Variants in STK11 observed in about 807,000 individuals in gnomAD.
The protein encoded by STK11 is serine/threonine kinase 11.
In STK11, 8 loss-of-function variants were observed where a neutral mutation model predicts 47.3. The ratio of observed to expected loss-of-function variants is 0.17; its 90% CI spans 0.10 to 0.31. The LOEUF is 0.31. Among genes scored for constraint, STK11 ranks in the 10% least tolerant of loss-of-function variants. The pLI is 1.00. For synonymous variants in STK11, 330 were observed against 255.8 expected (o/e 1.29, Z -2.77); for missense variants, 475 against 605.0 (o/e 0.79, Z 2.25).
At chr19:1,208,917 G>A (rs2080689975) in intron 1 of STK11, among the ~76,000 whole-genome samples, 1 of 151,926 alleles carries the variant, frequency 6.6e-6, no homozygotes, top group African/African-American at 2.4e-5. Flanking sequence ...CACCGCGCCC[G>A]GCCAGCACGC....
At chr19:1,211,948 C>T (rs776081064) in intron 1 of STK11, among the ~76,000 whole-genome samples, 14 of 152,242 alleles carry the variant, frequency 9.2e-5, no homozygotes, top group Non-Finnish European at 1.5e-4. Flanking sequence ...GGCCCCTGCG[C>T]CAGCCATGTG....
rs2080839165 is a variant in STK11 at position 1,227,951 on chromosome 19, C to T, written c.*375C>T. 1 of 1,070,404 alleles carries T rather than the reference C, an allele frequency of 9.3e-7. No individual in the cohort carries two copies. 66.3% of individuals were successfully genotyped at this position (1,070,404 alleles called of 1,614,324 possible). ...GTCCGGCGGCCCCGCCGCAGACCAGCTGGCGGGTGTGGAGACCAGGCTCCT... is the reference window on the plus strand; with the variant it reads ...GTCCGGCGGCCCCGCCGCAGACCAGTTGGCGGGTGTGGAGACCAGGCTCCT... On this transcript the variant is annotated 3_prime_UTR_variant, in exon 10 of 10. Coordinates refer to ENST00000326873, the MANE Select transcript of STK11 (RefSeq NM_000455.5).
At chr19:1,225,182 C>T (rs916583761) in intron 8 of STK11, 1 of 985,360 alleles carries the variant, frequency 1.0e-6, no homozygotes, top group African/African-American at 1.7e-5. Context: ...AGCTGGGGCA[C>T]CTTGTCCACA....
At chr19:1,218,581 C>G in intron 2 of STK11, 81 bp downstream of exon 2, 1 of 1,185,078 alleles carries the variant, frequency 8.4e-7, no homozygotes, top group Non-Finnish European at 1.3e-6. Flanking sequence ...AGGCCTGCTC[C>G]TCTTCCCGTC....
At chr19:1,220,861 T>A in intron 5 of STK11, 144 bp downstream of exon 5, 2 of 1,293,120 alleles carry the variant, frequency 1.5e-6, no homozygotes, top group Admixed American at 2.7e-5. Flanking sequence ...GTGCTTACTT[T>A]ATGGAAATGT....
In STK11 at chr19:1,228,184, G is replaced by A; in HGVS notation, c.*608G>A. 1.8e-5 allele frequency: 19 copies of A among 1,046,394 alleles called. No individual in the cohort carries two copies. The highest frequency in any genetic ancestry group is 4.6e-5 in the South Asian group (1 of 21,578). 64.8% of individuals were successfully genotyped at this position (1,046,394 alleles called of 1,614,324 possible). A position where few individuals can be genotyped will look rare whatever the true frequency, so the allele number is the denominator to read the frequency against. ...CGTCGCGGCCGCCTTTGCGCTCTCG[G>A]GTCACCCTGCTTTGGCGGCCCGGCC... On this transcript the variant is annotated 3_prime_UTR_variant, in exon 10 of 10. Transcript: ENST00000326873.
chr19:1,227,143 G>C lies in STK11; in HGVS notation c.*17-450G>C, dbSNP rs1026040754. The C allele has an allele frequency of 4.2e-5, 7 of 166,666 alleles. No homozygotes were observed. In the South Asian group the frequency reaches 1.1e-3, roughly 25 times the overall value. The allele number at this position is 166,666 out of a possible 1,614,324, so 10.3% of individuals were successfully genotyped here. A position where few individuals can be genotyped will look rare whatever the true frequency, so the allele number is the denominator to read the frequency against. On this transcript the variant is annotated intron_variant, in intron 9 of 9. Transcript: ENST00000326873. ...AGTATGGCTGAGGCTGAGTCGTGCC[G>C]GACGCTGCCCTGTCTCTCCCTGTGT...
intron 7 of STK11, among the ~76,000 whole-genome samples, chr19:1,222,593 C>G (rs1393815879): frequency 1.3e-5 from 2 of 152,182 alleles, no homozygotes; most frequent in Non-Finnish European, 2.9e-5. Context: ...CCTTGGGGGT[C>G]TCTGCACAGC....
At chr19:1,213,602 C>T (rs1158059467) in intron 1 of STK11, among the ~76,000 whole-genome samples, 1 of 152,250 alleles carries the variant, frequency 6.6e-6, no homozygotes, top group Non-Finnish European at 1.5e-5. Context: ...TGGGTCCGAA[C>T]CTCTCTGCTG....
intron 3 of STK11, chr19:1,220,071 C>CAGGG: frequency 2.7e-6 from 1 of 371,816 alleles, no homozygotes; most frequent in South Asian, 4.0e-5. Context: ...ACCACAGGGG[C>CAGGG]AGGGAGGGGC....
chr19:1,209,608 A>G (rs935923002), intron 1 of STK11, among the ~76,000 whole-genome samples: 1 of 151,976 alleles, frequency 6.6e-6, no homozygotes, highest in South Asian at 2.1e-4. Flanking sequence ...ATAAATAAAT[A>G]AATAAATAAA....
intron 5 of STK11, 66 bp downstream of exon 5, chr19:1,220,783 A>G: frequency 6.5e-7 from 1 of 1,538,948 alleles, no homozygotes. Flanking sequence ...CGTCTTGGGC[A>G]GCTGCCGGCC....
At chr19:1,222,155 C>T (rs2080789315) in intron 7 of STK11, 149 bp downstream of exon 7, 4 of 961,324 alleles carry the variant, frequency 4.2e-6, no homozygotes, top group Non-Finnish European at 6.3e-6. Flanking sequence ...TTCTCGGGGC[C>T]CGAGTGGGGT....
At chr19:1,221,077 CAG>C (rs2080780127) in intron 5 of STK11, 134 bp from the exon 6 acceptor site, 4 of 1,288,730 alleles carry the variant, frequency 3.1e-6, no homozygotes, top group East Asian at 2.5e-5. Context: ...GTGGTGAAGA[CAG>C]AGGTGTCCTT....
chr19:1,223,945 G>C (rs1568713456), intron 8 of STK11: 2 of 1,011,762 alleles, frequency 2.0e-6, no homozygotes, highest in East Asian at 1.4e-4. Context: ...TGTTTCAGCG[G>C]GAAGTGGTGG....
chr19:1,223,723 C>T, intron 8 of STK11: 1 of 1,041,862 alleles, frequency 9.6e-7, no homozygotes, highest in Non-Finnish European at 1.2e-6. Context: ...GAGAGGAAGC[C>T]TCTCGGCCGG....
rs537729724 is a variant in STK11 at position 1,210,453 on chromosome 19, C to T, written c.290+3250C>T. Among the ~76,000 whole-genome samples, 4 of 152,196 alleles carry T rather than the reference C, an allele frequency of 2.6e-5. 1 individual carries two copies. The highest frequency in any genetic ancestry group is 6.3e-3 in the Middle Eastern group (2 of 316). Reference sequence around the variant, plus strand: ...GGTGGGTTGGGGCAGATGGAGCCGGCGTGAGTCCCGTCTCTTCCCTTCCTT... The same window carrying T: ...GGTGGGTTGGGGCAGATGGAGCCGGTGTGAGTCCCGTCTCTTCCCTTCCTT... On this transcript the variant is annotated intron_variant, in intron 1 of 9. Transcript: ENST00000326873.
chr19:1,226,974 T>G, intron 9 of STK11: 1 of 368,878 alleles, frequency 2.7e-6, no homozygotes, highest in Non-Finnish European at 4.9e-6. Context: ...TGGCGCCCCC[T>G]CCCCATGCCC....
Position 1,227,785 on chromosome 19 carries a change from G to C in STK11, c.*209G>C. The C allele has an allele frequency of 1.9e-6, 2 of 1,074,636 alleles. No homozygotes were observed. The highest frequency in any genetic ancestry group is 2.3e-6 in the Non-Finnish European group (2 of 884,966). 66.6% of individuals were successfully genotyped at this position (1,074,636 alleles called of 1,614,324 possible). On this transcript the variant is annotated 3_prime_UTR_variant, in exon 10 of 10. Transcript: ENST00000326873. Reference sequence around the variant, plus strand: ...GCCCTCCCCCCTCGGCCGCCCGGCAGTGCACGCGGCTTGTTGACTTCGCAG... The same window carrying C: ...GCCCTCCCCCCTCGGCCGCCCGGCACTGCACGCGGCTTGTTGACTTCGCAG...
Sources: gnomAD v4.1 joint callset for allele counts (sites outside exome capture counted in the v4.1 genomes callset) on GRCh38, gnomAD v4.1.1 for gene constraint, MANE v1.5 for transcripts, NCBI Gene and HGNC (gene_info 2026-07-23, HGNC 2026-07-21) for gene names.